RNF145: variants seen among roughly 807,000 people sequenced by gnomAD.
The protein encoded by RNF145 is ring finger protein 145.
Under a neutral mutation model 57.3 loss-of-function variants are expected in RNF145, and 12 were observed. The ratio of observed to expected loss-of-function variants is 0.21; its 90% CI spans 0.13 to 0.34. RNF145 has a LOEUF of 0.34. RNF145 is among the 10% of genes least tolerant of loss of function. The pLI is 1.00. For synonymous variants in RNF145, 262 were observed against 288.3 expected, an observed-to-expected ratio of 0.91 and a Z score of 0.92; for missense variants, 429 against 799.0, an observed-to-expected ratio of 0.54 and a Z score of 5.58.
At chr5:159,175,616 A>G (rs569097363) in intron 5 of RNF145, among the ~76,000 whole-genome samples, 1 of 152,264 alleles carries the variant, frequency 6.6e-6, no homozygotes, top group East Asian at 1.9e-4. Flanking sequence ...CTGCTTCCCC[A>G]TGAAGCCACT....
chr5:159,204,321 G>A (rs1462911726), intron 1 of RNF145, among the ~76,000 whole-genome samples: 1 of 152,022 alleles, frequency 6.6e-6, no homozygotes, highest in African/African-American at 2.4e-5. Context: ...CAGATAAGCA[G>A]GCACATGGAA....
At chr5:159,165,184 C>T (rs143939546) in intron 8 of RNF145, among the ~76,000 whole-genome samples, 1 of 152,170 alleles carries the variant, frequency 6.6e-6, no homozygotes, top group Non-Finnish European at 1.5e-5. Context: ...TTCCCACATA[C>T]AGGTGAAGGC....
chr5:159,195,002 G>A (rs1785408992), intron 2 of RNF145, among the ~76,000 whole-genome samples, 178 bp from the exon 3 acceptor site: 1 of 152,058 alleles, frequency 6.6e-6, no homozygotes, highest in Admixed American at 6.5e-5. Context: ...TTTTGTTGTT[G>A]AAAATGTATT....
chr5:159,194,593 C>T (rs113975472), intron 3 of RNF145, 123 bp downstream of exon 3: 2 of 653,036 alleles, frequency 3.1e-6, no homozygotes, highest in African/African-American at 1.8e-5. Flanking sequence ...AAATGAGTAT[C>T]AAACCAGTTT....
chr5:159,197,345 A>G (rs1785494100), intron 2 of RNF145, among the ~76,000 whole-genome samples: 1 of 152,246 alleles, frequency 6.6e-6, no homozygotes, highest in South Asian at 2.1e-4. Flanking sequence ...TGAAAGAACT[A>G]GCAGCTAAAG....
intron 1 of RNF145, chr5:159,207,403 C>A: frequency 1.0e-6 from 1 of 952,958 alleles, no homozygotes; most frequent in Non-Finnish European, 1.5e-6. Context: ...ACACGTGACC[C>A]AACTTAAAAC....
chr5:159,173,866 C>T (rs1784631807), intron 6 of RNF145, 117 bp downstream of exon 6: 1 of 703,604 alleles, frequency 1.4e-6, no homozygotes, highest in Non-Finnish European at 2.2e-6. Flanking sequence ...CCTATCTTAA[C>T]AAAATACGAA....
chr5:159,163,481 T>C (rs1367186118), intron 8 of RNF145, among the ~76,000 whole-genome samples: 1 of 152,218 alleles, frequency 6.6e-6, no homozygotes, highest in African/African-American at 2.4e-5. Flanking sequence ...CTGTTTCCAC[T>C]TGTGATGAGA....
chr5:159,191,272 T>G (rs894689464), intron 3 of RNF145, among the ~76,000 whole-genome samples: 1 of 152,190 alleles, frequency 6.6e-6, no homozygotes, highest in African/African-American at 2.4e-5. Flanking sequence ...TCAAGTCTGA[T>G]TCTAAAGTTA....
At chr5:159,182,837 A>T (rs1170362247) in intron 3 of RNF145, among the ~76,000 whole-genome samples, 1 of 152,178 alleles carries the variant, frequency 6.6e-6, no homozygotes, top group Admixed American at 6.5e-5. Flanking sequence ...GCATCAAAGA[A>T]GGGAAGTTTG....
rs150640305 is a variant in RNF145, at chr5:159,185,757, G to A, written c.294-3706C>T. ...AATATCTTCAGAAACAAGAATTCCT[G>A]CCAATCTACTTATAACTGAATAAAA... is the stretch of plus-strand genomic sequence containing the variant. On this transcript the variant is annotated intron_variant, in intron 3 of 10. Transcript: ENST00000424310. Among the ~76,000 whole-genome samples, 188 of 152,300 alleles carry A rather than the reference G, an allele frequency of 1.2e-3. 2 individuals carry two copies. The highest frequency in any genetic ancestry group is 3.9e-3 in the African/African-American group (163 of 41,566).
intron 4 of RNF145, among the ~76,000 whole-genome samples, chr5:159,177,453 A>G (rs1442725943): frequency 9.2e-5 from 14 of 152,096 alleles, no homozygotes; most frequent in Non-Finnish European, 4.4e-5. Context: ...ACAGAAATAC[A>G]AAGAACAAAA....
At chr5:159,185,777 A>C (rs1025581158) in intron 3 of RNF145, among the ~76,000 whole-genome samples, 2 of 152,260 alleles carry the variant, frequency 1.3e-5, no homozygotes, top group Admixed American at 1.3e-4. Context: ...TTATAACTGA[A>C]TAAAATATTT....
At position 159,176,778 on chromosome 5, in the gene RNF145, G is replaced by A. The variant is rs775650134; in HGVS notation, c.475C>T (p.Arg159Ter). ...GTCTCCAAAGGAACAAGGCAGAGTC[G>A]TGCTAGCAGAGGAAGCATGTGAGCT... The part of the protein sequence containing the change: ...FSAHMLPLLA[R>*]LCLVPLETIV... The change falls in exon 5 of 11, where the codon CGA (arginine) becomes TGA (stop). Residue 159 changes from arginine (R) to a stop codon, truncating the protein, a stop_gained. Coordinates refer to ENST00000424310, the MANE Select transcript of RNF145 (RefSeq NM_001199383.2). LOFTEE classifies it high-confidence loss of function. 1.2e-6 allele frequency: 2 copies of A among 1,612,512 alleles called. No individual in the cohort carries two copies. The highest frequency in any genetic ancestry group is 1.1e-5 in the South Asian group (1 of 91,024).
intron 1 of RNF145, among the ~76,000 whole-genome samples, chr5:159,204,304 T>A (rs2113245747): frequency 6.6e-6 from 1 of 151,936 alleles, no homozygotes; most frequent in African/African-American, 2.4e-5. Context: ...ATTCTTCCCT[T>A]GATACACAGA....
At chr5:159,189,983 A>C (rs1199924841) in intron 3 of RNF145, among the ~76,000 whole-genome samples, 1 of 152,174 alleles carries the variant, frequency 6.6e-6, no homozygotes, top group Non-Finnish European at 1.5e-5. Flanking sequence ...ATCTAAAATA[A>C]ATTTTGATGA....
At chr5:159,174,480 ACACT>A (rs1251470727) in intron 5 of RNF145, among the ~76,000 whole-genome samples, 1 of 152,176 alleles carries the variant, frequency 6.6e-6, no homozygotes, top group African/African-American at 2.4e-5. Flanking sequence ...GACTTGGTAA[ACACT>A]CATGTCTAAT....
In RNF145 at chr5:159,209,523, G is replaced by A. The variant is rs1167327062; in HGVS notation, c.-332C>T. On this transcript the variant is annotated 5_prime_UTR_variant, in exon 1 of 11. Coordinates refer to ENST00000424310, the MANE Select transcript of RNF145 (RefSeq NM_001199383.2). ...CCGGCGTCGGCGGCCATGGCCTCCT[G>A]CGTTTGCTCCTCCCGCCCCCGGCGC... 3 of 153,698 alleles carry A rather than the reference G, an allele frequency of 2.0e-5. No homozygotes were observed. Among genetic ancestry groups the A allele is most frequent in the Non-Finnish European group, 2.4e-5 (3 of 123,758 alleles). The allele number at this position is 153,698 out of a possible 1,614,324, so 9.5% of individuals were successfully genotyped here.
intron 3 of RNF145, among the ~76,000 whole-genome samples, chr5:159,189,067 G>A (rs1399856510): frequency 6.6e-6 from 1 of 151,988 alleles, no homozygotes; most frequent in African/African-American, 2.4e-5. Context: ...AGATTGCAGT[G>A]AATGGAAGAA....
Sources: gnomAD v4.1 joint callset for allele counts (sites outside exome capture counted in the v4.1 genomes callset) on GRCh38, gnomAD v4.1.1 for gene constraint, MANE v1.5 for transcripts, NCBI Gene and HGNC (gene_info 2026-07-23, HGNC 2026-07-21) for gene names.